CLTCL1: variants seen among roughly 807,000 people sequenced by gnomAD.
CLTCL1 encodes clathrin heavy chain like 1.
CLTCL1 carries 159 observed loss-of-function variants against 190.0 expected under a neutral mutation model. The observed-to-expected ratio is 0.84, with a 90% CI of 0.74 to 0.95. The LOEUF (loss-of-function observed/expected upper bound fraction) is 0.95, where lower values mean the gene tolerates loss of function less well. CLTCL1 is among the 40% of genes least tolerant of loss of function. The pLI is 0.00. For missense variants in CLTCL1, 1,878 were observed against 2,033.4 expected (o/e 0.92, Z 1.47); for synonymous variants, 752 against 769.6 (o/e 0.98, Z 0.38).
At chr22:19,265,247 G>A (rs1358315374) in intron 2 of CLTCL1, among the ~76,000 whole-genome samples, 3 of 152,184 alleles carry the variant, frequency 2.0e-5, no homozygotes, top group Non-Finnish European at 4.4e-5. Flanking sequence ...TAGGTGTGAT[G>A]TAGTTTTGCT....
At chr22:19,197,183 G>C (rs2084738168) in intron 24 of CLTCL1, among the ~76,000 whole-genome samples, 1 of 152,158 alleles carries the variant, frequency 6.6e-6, no homozygotes, top group Non-Finnish European at 1.5e-5. Context: ...AAAGCCTGGA[G>C]AAACACCCAG....
At chr22:19,255,278 T>C (rs1013709542) in intron 2 of CLTCL1, among the ~76,000 whole-genome samples, 8 of 152,310 alleles carry the variant, frequency 5.3e-5, no homozygotes, top group South Asian at 2.1e-4. Flanking sequence ...AAAATTTCAA[T>C]TGGGCTGGGC....
At chr22:19,240,537 G>A (rs1390401233) in intron 4 of CLTCL1, among the ~76,000 whole-genome samples, 1 of 152,174 alleles carries the variant, frequency 6.6e-6, no homozygotes, top group Non-Finnish European at 1.5e-5. Flanking sequence ...GTGCTCCTGT[G>A]GGGACAGAAG....
In CLTCL1 at chr22:19,232,599, C is replaced by T. The variant is rs2085951204; in HGVS notation, c.1522-1G>A. The T allele has an allele frequency of 2.5e-6, 4 of 1,611,020 alleles. No individual in the cohort carries two copies. Among genetic ancestry groups the T allele is most frequent in the East Asian group, 2.2e-5 (1 of 44,820 alleles). ...AGATCCAGTCTGGGGTGTACCCAAC[C>T]TAGAAGCAAGGGAGCACCAATCAGG... On this transcript the variant is annotated splice_acceptor_variant, in intron 9 of 32. Coordinates refer to ENST00000427926, the MANE Select transcript of CLTCL1 (RefSeq NM_007098.4). LOFTEE classifies it high-confidence loss of function.
intron 2 of CLTCL1, among the ~76,000 whole-genome samples, chr22:19,274,875 C>T (rs1018422411): frequency 2.0e-5 from 3 of 151,762 alleles, no homozygotes; most frequent in Non-Finnish European, 2.9e-5. Context: ...TACAGGCATG[C>T]GCCACCACGC....
At chr22:19,242,409 C>T (rs1050712439) in intron 4 of CLTCL1, among the ~76,000 whole-genome samples, 3 of 152,132 alleles carry the variant, frequency 2.0e-5, no homozygotes, top group South Asian at 2.1e-4. Flanking sequence ...AATTCTCCTA[C>T]CTCAGCCTCC....
At chr22:19,193,748 G>A (rs1254634365) in intron 26 of CLTCL1, among the ~76,000 whole-genome samples, 3 of 152,224 alleles carry the variant, frequency 2.0e-5, no homozygotes, top group African/African-American at 4.8e-5. Context: ...TCTTAAAGAT[G>A]TTGTGTCCAG....
At chr22:19,232,440 A>C in intron 10 of CLTCL1, 36 bp downstream of exon 10, 1 of 1,613,034 alleles carries the variant, frequency 6.2e-7, no homozygotes, top group Non-Finnish European at 8.5e-7. Context: ...GGCTCTAAAA[A>C]GCCACAAAAA....
chr22:19,187,975 A>G lies in CLTCL1; in HGVS notation c.4434+6T>C, dbSNP rs2084368541. Reference sequence around the variant, plus strand: ...CCCAGGACAGGGCTCCTTCCTGCACACCCACCTGATAGTCCTCCTCCTCTG... The same window carrying G: ...CCCAGGACAGGGCTCCTTCCTGCACGCCCACCTGATAGTCCTCCTCCTCTG... On this transcript the variant is annotated splice_donor_region_variant and intron_variant, in intron 28 of 32. Transcript: ENST00000427926. 6.2e-7 allele frequency: 1 copy of G among 1,612,886 alleles called. No individual in the cohort carries two copies.
rs1555956109 is a variant in CLTCL1, at chr22:19,226,357, T to TAC, written c.1808_1809insGT (p.Met604Ter). Reference sequence around the variant, plus strand: ...GGGCCCGGTCGTAATGAGTAAACATTTTATTTCCAAGGATGGCATCTGCAA... The same window carrying TAC: ...GGGCCCGGTCGTAATGAGTAAACATTACTTATTTCCAAGGATGGCATCTGCAA... On this transcript the variant is annotated frameshift_variant, in exon 12 of 33. Coordinates refer to ENST00000427926, the MANE Select transcript of CLTCL1 (RefSeq NM_007098.4). LOFTEE classifies it high-confidence loss of function. 1 of 1,614,024 alleles carries TAC rather than the reference T, an allele frequency of 6.2e-7. No homozygotes were observed. Among genetic ancestry groups the TAC allele is most frequent in the Non-Finnish European group, 8.5e-7 (1 of 1,179,880 alleles).
chr22:19,246,251 A>G (rs1207911871), intron 3 of CLTCL1, among the ~76,000 whole-genome samples: 1 of 151,640 alleles, frequency 6.6e-6, no homozygotes, highest in Non-Finnish European at 1.5e-5. Context: ...TAGTAGAGAC[A>G]GGGTTTCACC....
rs782128615 is a variant in CLTCL1 at position 19,233,459 on chromosome 22, C to A, written c.1331G>T (p.Arg444Leu). 4.3e-6 allele frequency: 7 copies of A among 1,613,732 alleles called. No homozygotes were observed. Among genetic ancestry groups the A allele is most frequent in the Non-Finnish European group, 5.9e-6 (7 of 1,179,788 alleles). ...CAGCCACTTCTCTAGGAGTTGCTTA[C>A]GCCCCTGCTGAAGAACCAGATGGCA... Reference protein sequence around the residue: ...ELCHLVLQQGRKQLLEKWLKE... With the variant: ...ELCHLVLQQGLKQLLEKWLKE... Residue 444 changes from arginine (R) to leucine (L), a missense_variant, in exon 8 of 33, where the codon CGT becomes CTT. Coordinates refer to ENST00000427926, the MANE Select transcript of CLTCL1 (RefSeq NM_007098.4).
At chr22:19,253,415 TC>T (rs2086658622) in intron 3 of CLTCL1, among the ~76,000 whole-genome samples, 1 of 152,202 alleles carries the variant, frequency 6.6e-6, no homozygotes, top group South Asian at 2.1e-4. Context: ...CCACGGTCCC[TC>T]CCTGCCCTGG....
intron 1 of CLTCL1, among the ~76,000 whole-genome samples, chr22:19,288,963 T>A (rs782115811): frequency 5.9e-5 from 9 of 152,236 alleles, no homozygotes; most frequent in Non-Finnish European, 1.2e-4. Context: ...TGTGGTGTGA[T>A]GGGCTTTATC....
intron 29 of CLTCL1, chr22:19,184,649 G>A (rs781969375): frequency 1.4e-5 from 6 of 444,042 alleles, no homozygotes; most frequent in Middle Eastern, 3.6e-4. Flanking sequence ...GCCCTCCACC[G>A]GCCCAGCCTA....
chr22:19,203,210 G>A (rs1210053519), intron 22 of CLTCL1, among the ~76,000 whole-genome samples: 1 of 152,186 alleles, frequency 6.6e-6, no homozygotes, highest in East Asian at 1.9e-4. Context: ...AGCTACTCAG[G>A]AGGCTGAGGC....
rs2085947198 is a variant in CLTCL1, at chr22:19,232,510, A to C, written c.1610T>G (p.Val537Gly). 1 of 1,613,916 alleles carries C rather than the reference A, an allele frequency of 6.2e-7. No homozygotes were observed. The highest frequency in any genetic ancestry group is 1.1e-5 in the South Asian group (1 of 91,090). ...EQGLQFSRML[V>G]QDEEPLANIS... Reference sequence around the variant, plus strand: ...GTTGGCCAGCGGCTCCTCGTCCTGCACTAGCATTCGAGAAAACTGCAGGCC... The same window carrying C: ...GTTGGCCAGCGGCTCCTCGTCCTGCCCTAGCATTCGAGAAAACTGCAGGCC... Residue 537 changes from valine (V) to glycine (G), a missense_variant, in exon 10 of 33, where the codon GTG (valine) becomes GGG (glycine). Physicochemically the swap from Val to Gly is moderately radical, Grantham distance 109. Coordinates refer to ENST00000427926, the MANE Select transcript of CLTCL1 (RefSeq NM_007098.4).
chr22:19,264,834 G>T (rs115148222), intron 2 of CLTCL1, among the ~76,000 whole-genome samples: 1 of 151,814 alleles, frequency 6.6e-6, no homozygotes, highest in African/African-American at 2.4e-5. Context: ...TGGGGCCCAA[G>T]CTGGAGTGCA....
chr22:19,272,598 G>C (rs2087357898), intron 2 of CLTCL1, among the ~76,000 whole-genome samples: 1 of 152,098 alleles, frequency 6.6e-6, no homozygotes, highest in Admixed American at 6.5e-5. Context: ...AGCCTCCCGA[G>C]TAACTGAGAT....
Sources: allele counts gnomAD v4.1 joint callset (sites outside exome capture counted in the v4.1 genomes callset), GRCh38; gene constraint gnomAD v4.1.1; transcripts MANE v1.5; gene names NCBI Gene and HGNC (gene_info 2026-07-23, HGNC 2026-07-21).